Variants in FAM210A observed in about 807,000 individuals in gnomAD.
The protein encoded by FAM210A is mitochondrial inner membrane scaffold 1.
FAM210A carries 13 observed loss-of-function variants against 25.3 expected under a neutral mutation model. The observed-to-expected ratio is 0.51, with a 90% CI of 0.33 to 0.82. FAM210A has a LOEUF of 0.82. FAM210A is among the 40% of genes least tolerant of loss of function. The pLI, the probability that FAM210A is intolerant of heterozygous loss-of-function variation, is 0.02. For missense variants in FAM210A, 319 were observed against 323.2 expected (o/e 0.99, Z 0.10); for synonymous variants, 125 against 118.7 (o/e 1.05, Z -0.35).
chr18:13,699,193 T>C (rs1280249040), intron 1 of FAM210A, among the ~76,000 whole-genome samples: 1 of 152,246 alleles, frequency 6.6e-6, no homozygotes, highest in African/African-American at 2.4e-5. Context: ...TGAAAGTCTG[T>C]TGACAGTACT....
chr18:13,709,475 G>A (rs1369447305), intron 1 of FAM210A, among the ~76,000 whole-genome samples: 1 of 152,182 alleles, frequency 6.6e-6, no homozygotes, highest in East Asian at 1.9e-4. Context: ...CCTCCTGGAA[G>A]CCTTTGTTCA....
chr18:13,690,110 C>T lies in FAM210A; in HGVS notation c.-28-8005G>A, dbSNP rs116246136. On this transcript the variant is annotated intron_variant, in intron 1 of 3. Transcript: ENST00000651643. ...GCAAACAGCACACCAGATTATATCC[C>T]GTGCCTGGCTCAGAGGGTTGCACCC... Among the ~76,000 whole-genome samples, 262 of 152,348 alleles carry T rather than the reference C, an allele frequency of 1.7e-3. 1 individual carries two copies. Among genetic ancestry groups the T allele is most frequent in the African/African-American group, 5.3e-3 (220 of 41,582 alleles).
rs542192331 is a variant in FAM210A at position 13,671,581 on chromosome 18, C to T, written c.585+281G>A. On this transcript the variant is annotated intron_variant, in intron 3 of 3. Transcript: ENST00000651643. ...GTTATCTTGTTATCTCCCAGCTACT[C>T]GGGAGGCTGAGGTAGGAGAATCACT... 4.6e-5 allele frequency among the ~76,000 whole-genome samples: 7 copies of T among 150,920 alleles called. No individual in the cohort carries two copies. The South Asian group carries it at 8.4e-4, about 18-fold the overall frequency.
Position 13,712,917 on chromosome 18 carries a change from G to C in FAM210A, c.-29+13412C>G, listed in dbSNP as rs56368756. 3.9e-3 allele frequency among the ~76,000 whole-genome samples: 598 copies of C among 152,242 alleles called. 7 individuals are homozygous for C. Among genetic ancestry groups the C allele is most frequent in the African/African-American group, 0.014 (575 of 41,538 alleles). On this transcript the variant is annotated intron_variant, in intron 1 of 3. Coordinates refer to ENST00000651643, the MANE Select transcript of FAM210A (RefSeq NM_152352.4). The stretch of plus-strand genomic sequence containing the variant: ...GATAGCAGTGTGCTAACCTGAAAAA[G>C]GACAGATAGTGCTTGTGGACTTGGA...
chr18:13,704,181 G>A (rs1253630739), intron 1 of FAM210A, among the ~76,000 whole-genome samples: 2 of 152,194 alleles, frequency 1.3e-5, no homozygotes, highest in Non-Finnish European at 2.9e-5. Flanking sequence ...GGCGTGTGAG[G>A]AAAGTGAAAT....
chr18:13,719,799 A>C (rs1397712638), intron 1 of FAM210A, among the ~76,000 whole-genome samples: 1 of 152,200 alleles, frequency 6.6e-6, no homozygotes, highest in East Asian at 1.9e-4. Flanking sequence ...ATTTAAAGGC[A>C]TGGACTAATG....
chr18:13,681,495 T>C (rs2043553216), intron 2 of FAM210A, 110 bp downstream of exon 2: 2 of 868,508 alleles, frequency 2.3e-6, no homozygotes, highest in Admixed American at 6.3e-5. Flanking sequence ...TTATCCTCTA[T>C]TGATGAAAAA....
chr18:13,668,779 A>G (rs1451051638), intron 3 of FAM210A, among the ~76,000 whole-genome samples: 1 of 152,226 alleles, frequency 6.6e-6, no homozygotes, highest in South Asian at 2.1e-4. Context: ...ATAAGACCAC[A>G]GTAAGTATTT....
Position 13,681,613 on chromosome 18 carries a change from T to C in FAM210A, c.465A>G (p.Ala155=). The part of the protein sequence containing the change: ...SGVWFGTFYY[A]ALKGVNVVPF... ...ACTAAGCAAAAACTTACTTCAAGGC[T>C]GCATAATAAAATGTTCCAAACCAAA... Residue 155 remains alanine (A), a synonymous_variant, in exon 2 of 4, where the codon GCA becomes GCG. Transcript: ENST00000651643. 6.3e-7 allele frequency: 1 copy of C among 1,598,996 alleles called. No individual in the cohort carries two copies. Among genetic ancestry groups the C allele is most frequent in the Non-Finnish European group, 8.5e-7 (1 of 1,173,776 alleles).
chr18:13,678,376 T>A (rs796896635), intron 2 of FAM210A, among the ~76,000 whole-genome samples: 24 of 152,224 alleles, frequency 1.6e-4, no homozygotes, highest in African/African-American at 5.8e-4. Context: ...GTTCAAGCGA[T>A]TCTCCTGCCT....
rs963212812 is a variant in FAM210A, at chr18:13,726,535, C to T, written c.-235G>A. 2 of 152,352 alleles carry T rather than the reference C, an allele frequency of 1.3e-5. No homozygotes were observed. Among genetic ancestry groups the T allele is most frequent in the Non-Finnish European group, 2.9e-5 (2 of 68,136 alleles). The allele number at this position is 152,352 out of a possible 1,614,324, so 9.4% of individuals were successfully genotyped here. A position where few individuals can be genotyped will look rare whatever the true frequency, so the allele number is the denominator to read the frequency against. ...CCACTAGCAACGTGCTCGCGACCTC[C>T]AGTGCCCGCTCAGTGAAGCTTCTGC... On this transcript the variant is annotated 5_prime_UTR_variant, in exon 1 of 4. Coordinates refer to ENST00000651643, the MANE Select transcript of FAM210A (RefSeq NM_152352.4).
At chr18:13,713,867 G>A (rs1358168060) in intron 1 of FAM210A, among the ~76,000 whole-genome samples, 7 of 152,134 alleles carry the variant, frequency 4.6e-5, no homozygotes, top group South Asian at 2.1e-4. Flanking sequence ...TGCCTCTCAG[G>A]TAGCATACCA....
At chr18:13,726,001 C>A (rs1201082222) in intron 1 of FAM210A, among the ~76,000 whole-genome samples, 4 of 152,218 alleles carry the variant, frequency 2.6e-5, no homozygotes, top group Non-Finnish European at 5.9e-5. Flanking sequence ...CGCTTCCGGG[C>A]CCCTCTTCAA....
At chr18:13,708,974 T>C (rs1032991357) in intron 1 of FAM210A, among the ~76,000 whole-genome samples, 2 of 152,216 alleles carry the variant, frequency 1.3e-5, no homozygotes, top group African/African-American at 4.8e-5. Context: ...CACATCTCAA[T>C]AACTAATCAC....
At position 13,682,028 on chromosome 18, in the gene FAM210A, C is replaced by T; in HGVS notation, c.50G>A (p.Cys17Tyr). The change falls in exon 2 of 4, where the codon TGC becomes TAC. Residue 17 changes from cysteine (C) to tyrosine (Y), a missense_variant. Cys to Tyr is a radical substitution (Grantham distance 194). Transcript: ENST00000651643. Reference protein sequence around the residue: ...RTVSRLARRTCLEPHNAGLFG... With the variant: ...RTVSRLARRTYLEPHNAGLFG... ...GAGACCAGCATTATGTGGTTCCAAG[C>T]ATGTCCTGCGTGCCAGTCGAGATAC... is the stretch of plus-strand genomic sequence containing the variant. 6.2e-7 allele frequency: 1 copy of T among 1,613,022 alleles called. No homozygotes were observed.
intron 1 of FAM210A, among the ~76,000 whole-genome samples, chr18:13,699,669 GCCAT>G (rs770907971): frequency 1.3e-5 from 2 of 152,252 alleles, no homozygotes; most frequent in East Asian, 1.9e-4. Context: ...TGGAGGCTTT[GCCAT>G]CAGAAAGACC....
chr18:13,687,993 C>T (rs753529097), intron 1 of FAM210A: 2 of 152,202 alleles, frequency 1.3e-5, no homozygotes, highest in Non-Finnish European at 2.9e-5. Context: ...TCTCATTAAC[C>T]TCCATTAGGC....
intron 1 of FAM210A, among the ~76,000 whole-genome samples, chr18:13,700,169 A>G (rs2043727512): frequency 2.6e-5 from 4 of 152,234 alleles, no homozygotes; most frequent in Admixed American, 2.6e-4. Context: ...GCAAATCACA[A>G]GTAGTAAGTT....
chr18:13,687,411 A>G, intron 1 of FAM210A, among the ~76,000 whole-genome samples: 1 of 152,180 alleles, frequency 6.6e-6, no homozygotes. Flanking sequence ...CTGTTACACT[A>G]AAGTGTTAAT....
Sources: gnomAD v4.1 joint callset for allele counts (sites outside exome capture counted in the v4.1 genomes callset) on GRCh38, gnomAD v4.1.1 for gene constraint, MANE v1.5 for transcripts, NCBI Gene and HGNC (gene_info 2026-07-23, HGNC 2026-07-21) for gene names.